The following TOR1AIP1 variants were observed in gnomAD, a reference collection of about 807,000 sequenced individuals.
The protein encoded by TOR1AIP1 is torsin-1A-interacting protein 1.
Under a neutral mutation model 63.3 loss-of-function variants are expected in TOR1AIP1, and 54 were observed. That is an observed-to-expected ratio of 0.85 (90% CI 0.69 to 1.07). The LOEUF is 1.07. TOR1AIP1 is among the 50% of genes least tolerant of loss of function. The probability of loss-of-function intolerance (pLI) is 0.00; values close to 1 mark genes in which losing one functional copy is unlikely to be tolerated. For synonymous variants in TOR1AIP1, 294 were observed against 273.5 expected (o/e 1.07, Z -0.74); for missense variants, 736 against 715.0 (o/e 1.03, Z -0.33).
In TOR1AIP1 at chr1:179,917,741, T is replaced by C. The variant is rs778246364; in HGVS notation, c.1254T>C (p.Ala418=). 6.3e-5 allele frequency: 102 copies of C among 1,614,104 alleles called. No individual in the cohort carries two copies. The highest frequency in any genetic ancestry group is 7.5e-5 in the Non-Finnish European group (89 of 1,180,054). The change falls in exon 10 of 10, where the codon GCT becomes GCC. Residue 418 remains alanine (A), a synonymous_variant. Transcript: ENST00000606911. ...TACTGCTCACTGCTGCCCGAGATGC[T>C]GAAGAAGCACTTAGGTGTCTGAGTG... is the stretch of plus-strand genomic sequence containing the variant. ...AILLLTAARD[A]EEALRCLSEQ...
intron 6 of TOR1AIP1, among the ~76,000 whole-genome samples, chr1:179,906,107 A>G (rs927743799): frequency 3.3e-5 from 5 of 152,236 alleles, no homozygotes; most frequent in African/African-American, 1.2e-4. Context: ...ATGCCATACC[A>G]TTAATTAAAA....
At chr1:179,905,203 C>T (rs935061731) in intron 6 of TOR1AIP1, among the ~76,000 whole-genome samples, 16 of 151,876 alleles carry the variant, frequency 1.1e-4, no homozygotes, top group African/African-American at 3.4e-4. Context: ...GGTGAAACCC[C>T]GTCTCTACTA....
chr1:179,919,563 A>T lies in TOR1AIP1; in HGVS notation c.*1324A>T, dbSNP rs917124746. 6.6e-6 allele frequency: 1 copy of T among 152,240 alleles called. No individual in the cohort carries two copies. Among genetic ancestry groups the T allele is most frequent in the African/African-American group, 2.4e-5 (1 of 41,480 alleles). 9.4% of individuals were successfully genotyped at this position (152,240 alleles called of 1,614,324 possible). ...AAATGTATTTCTTTACTACTATAGT[A>T]GTTTAGTTATAACTTTGCATCTATA... On this transcript the variant is annotated 3_prime_UTR_variant, in exon 10 of 10. Coordinates refer to ENST00000606911, the MANE Select transcript of TOR1AIP1 (RefSeq NM_015602.4).
chr1:179,918,147 CCAGA>C lies in TOR1AIP1; in HGVS notation c.1663_1666del (p.Asp555AsnfsTer2), dbSNP rs1649083762. 6.2e-7 allele frequency: 1 copy of C among 1,613,612 alleles called. No homozygotes were observed. Among genetic ancestry groups the C allele is most frequent in the Non-Finnish European group, 8.5e-7 (1 of 1,180,008 alleles). On this transcript the variant is annotated frameshift_variant, in exon 10 of 10. Transcript: ENST00000606911. LOFTEE classifies it high-confidence loss of function. ...ACCCAACTCCTACAATCATATGGAC[CCAGA>C]CAAACTGAATGGCCTCTGGAGCCGT...
chr1:179,908,670 C>T lies in TOR1AIP1; in HGVS notation c.904C>T (p.Gln302Ter). ...AACTGCAAGAATAAGGACCAGGATG[C>T]AAAGTAAGTAGATAAATCTCTGTTA... is the stretch of plus-strand genomic sequence containing the variant. Reference protein sequence around the residue: ...PQTARIRTRMQNDSILKSELG... With the variant: ...PQTARIRTRM Residue 302 changes from glutamine to a stop codon, truncating the protein, a stop_gained, in exon 8 of 10, where the codon CAA becomes TAA. Transcript: ENST00000606911. LOFTEE classifies it high-confidence loss of function. 4.3e-6 allele frequency: 7 copies of T among 1,612,144 alleles called. No homozygotes were observed. The highest frequency in any genetic ancestry group is 5.9e-6 in the Non-Finnish European group (7 of 1,178,714).
chr1:179,895,635 C>G (rs1648242507), intron 3 of TOR1AIP1, among the ~76,000 whole-genome samples: 1 of 152,090 alleles, frequency 6.6e-6, no homozygotes, highest in Non-Finnish European at 1.5e-5. Context: ...CACGGTGTCT[C>G]ACACCTGTAA....
At chr1:179,901,509 T>G in intron 5 of TOR1AIP1, 121 bp downstream of exon 5, 1 of 483,670 alleles carries the variant, frequency 2.1e-6, no homozygotes, top group African/African-American at 2.0e-5. Flanking sequence ...TCGTGAATTT[T>G]TCTTTAAATA....
chr1:179,909,233 G>A (rs901030195), intron 8 of TOR1AIP1, among the ~76,000 whole-genome samples: 2 of 152,064 alleles, frequency 1.3e-5, no homozygotes, highest in African/African-American at 4.8e-5. Flanking sequence ...CAGCAATACA[G>A]TCTGTATACA....
chr1:179,882,699 T>C lies in TOR1AIP1; in HGVS notation c.197T>C (p.Val66Ala), dbSNP rs759389044. Residue 66 changes from valine to alanine, a missense_variant, in exon 1 of 10, where the codon GTG (valine) becomes GCG (alanine). Physicochemically the swap from Val to Ala is moderately conservative, Grantham distance 64. This residue lies in a region of TOR1AIP1 where 464 missense variants were observed against 371.0 expected (regional missense o/e 1.25). Transcript: ENST00000606911. ...EVRFSDEPPE[V>A]YGDFEPLVAK... Reference sequence around the variant, plus strand: ...AGGTTCTCGGACGAGCCGCCAGAAGTGTACGGCGACTTCGAGCCCCTGGTG... The same window carrying C: ...AGGTTCTCGGACGAGCCGCCAGAAGCGTACGGCGACTTCGAGCCCCTGGTG... 2.5e-6 allele frequency: 4 copies of C among 1,611,862 alleles called. No individual in the cohort carries two copies. The highest frequency in any genetic ancestry group is 3.4e-6 in the Non-Finnish European group (4 of 1,178,780).
chr1:179,914,408 A>G (rs1279405931), intron 9 of TOR1AIP1, among the ~76,000 whole-genome samples: 2 of 152,210 alleles, frequency 1.3e-5, no homozygotes, highest in African/African-American at 4.8e-5. Context: ...GCAAACCTGT[A>G]TTTGAACTAG....
At position 179,884,357 on chromosome 1, in the gene TOR1AIP1, T is replaced by C. The variant is rs762236136; in HGVS notation, c.476-335T>C. 1.3e-5 allele frequency among the ~76,000 whole-genome samples: 2 copies of C among 152,214 alleles called. 1 individual carries two copies. The highest frequency in any genetic ancestry group is 4.1e-4 in the South Asian group (2 of 4,830). Reference sequence around the variant, plus strand: ...AAGTAAAGAATTTACCCCTATTTTATTAAATCTTTAAGGATCTAAACATTT... The same window carrying C: ...AAGTAAAGAATTTACCCCTATTTTACTAAATCTTTAAGGATCTAAACATTT... On this transcript the variant is annotated intron_variant, in intron 1 of 9. Coordinates refer to ENST00000606911, the MANE Select transcript of TOR1AIP1 (RefSeq NM_015602.4).
intron 2 of TOR1AIP1, among the ~76,000 whole-genome samples, chr1:179,886,083 T>C (rs1242394508): frequency 6.6e-6 from 1 of 152,202 alleles, no homozygotes; most frequent in Non-Finnish European, 1.5e-5. Flanking sequence ...GTGTTAAGAT[T>C]ATAAACTATC....
intron 3 of TOR1AIP1, among the ~76,000 whole-genome samples, chr1:179,892,681 T>G (rs1310967063): frequency 1.4e-5 from 2 of 145,490 alleles, no homozygotes; most frequent in African/African-American, 5.2e-5. Flanking sequence ...GTGCTTGCAG[T>G]GAGCCAGGAT....
In TOR1AIP1 at chr1:179,917,764, G is replaced by A. The variant is rs1451554165; in HGVS notation, c.1277G>A (p.Ser426Asn). Residue 426 changes from serine to asparagine, a missense_variant, in exon 10 of 10, where the codon AGT (serine) becomes AAT (asparagine). Physicochemically the swap from Ser to Asn is conservative, Grantham distance 46. Around this residue, in one of 2 missense-constraint regions of TOR1AIP1, gnomAD observed 272 missense variants for 344.1 expected, o/e 0.79. Transcript: ENST00000606911. ...RDAEEALRCL[S>N]EQIADAYSSF... Reference sequence around the variant, plus strand: ...GCTGAAGAAGCACTTAGGTGTCTGAGTGAACAAATTGCTGATGCCTATTCT... The same window carrying A: ...GCTGAAGAAGCACTTAGGTGTCTGAATGAACAAATTGCTGATGCCTATTCT... 2 of 1,614,072 alleles carry A rather than the reference G, an allele frequency of 1.2e-6. No homozygotes were observed. The highest frequency in any genetic ancestry group is 1.3e-5 in the African/African-American group (1 of 74,928).
chr1:179,888,465 G>T (rs1443787475), intron 2 of TOR1AIP1, among the ~76,000 whole-genome samples: 2 of 152,110 alleles, frequency 1.3e-5, no homozygotes, highest in African/African-American at 4.8e-5. Context: ...GCCTAGGCTG[G>T]CAAGATTTAT....
At chr1:179,905,214 A>G (rs1043408591) in intron 6 of TOR1AIP1, among the ~76,000 whole-genome samples, 11 of 152,048 alleles carry the variant, frequency 7.2e-5, no homozygotes, top group South Asian at 4.2e-4. Context: ...GTCTCTACTA[A>G]AAATATAAAA....
rs1647862467 is a variant in TOR1AIP1, at chr1:179,884,726, A to G, written c.510A>G (p.Gln170=). The G allele has an allele frequency of 1.9e-6, 3 of 1,611,976 alleles. No individual in the cohort carries two copies. The highest frequency in any genetic ancestry group is 3.3e-4 in the Middle Eastern group (2 of 6,050). ...DEASSQTDLS[Q]TISKKTVRSI... is the part of the protein sequence containing the mutation. The stretch of plus-strand genomic sequence containing the variant: ...CATCTTCCCAAACTGATTTAAGCCA[A>G]ACGATCTCAAAGAAAACTGTCAGGA... Residue 170 remains glutamine (Q), a synonymous_variant, in exon 2 of 10, where the codon CAA becomes CAG. Transcript: ENST00000606911.
In TOR1AIP1 at chr1:179,907,823, G is replaced by C. The variant is rs1300390617; in HGVS notation, c.797G>C (p.Ser266Thr). ...YIESFWQSSQ[S>T]QNFTAHDKQP... ...ACCTTATCCCTGTTTTCTGTTTCAG[G>C]TCAAAACTTCACAGCTCATGATAAG... Residue 266 changes from serine (S) to threonine (T), a missense_variant and splice_region_variant, in exon 7 of 10, where the codon AGT becomes ACT. Around this residue, in one of 2 missense-constraint regions of TOR1AIP1, gnomAD observed 464 missense variants for 371.0 expected, o/e 1.25. Transcript: ENST00000606911. 2 of 1,584,626 alleles carry C rather than the reference G, an allele frequency of 1.3e-6. No individual in the cohort carries two copies. Among genetic ancestry groups the C allele is most frequent in the African/African-American group, 2.7e-5 (2 of 73,454 alleles).
intron 6 of TOR1AIP1, among the ~76,000 whole-genome samples, chr1:179,906,213 T>A (rs1172081802): frequency 6.6e-6 from 1 of 152,192 alleles, no homozygotes; most frequent in Non-Finnish European, 1.5e-5. Context: ...TAAAAGTATA[T>A]TTTTAGTATA....
Sources: gnomAD v4.1 joint callset for allele counts (sites outside exome capture counted in the v4.1 genomes callset) on GRCh38, gnomAD v4.1.1 for gene constraint, gnomAD v4.1.1 regional missense constraint, MANE v1.5 for transcripts, NCBI Gene and HGNC (gene_info 2026-07-23, HGNC 2026-07-21) for gene names.